The following PRELID2 variants were observed in gnomAD, a reference collection of about 807,000 sequenced individuals.
The protein encoded by PRELID2 is PRELI domain containing 2.
Under a neutral mutation model 28.4 loss-of-function variants are expected in PRELID2, and 25 were observed. That is an observed-to-expected ratio of 0.88 (90% CI 0.64 to 1.23). The LOEUF (loss-of-function observed/expected upper bound fraction) is 1.23, where lower values mean the gene tolerates loss of function less well. Ranked by LOEUF, PRELID2 falls within the 50% of genes most tolerant of loss-of-function variation. The probability of loss-of-function intolerance (pLI) is 0.00; values close to 1 mark genes in which losing one functional copy is unlikely to be tolerated. For synonymous variants in PRELID2, 76 were observed against 71.6 expected (o/e 1.06, Z -0.31); for missense variants, 201 against 214.4 (o/e 0.94, Z 0.39).
chr5:145,424,669 A>T, the PRELID2 span, among the ~76,000 whole-genome samples: 4 of 152,114 alleles, frequency 2.6e-5, no homozygotes, highest in African/African-American at 9.7e-5. Context: ...GGAAATGCAG[A>T]AATCACCCGT....
the PRELID2 span, among the ~76,000 whole-genome samples, chr5:145,406,449 A>G: frequency 1.3e-5 from 2 of 152,242 alleles, no homozygotes; most frequent in African/African-American, 4.8e-5. Flanking sequence ...TACATCTCAA[A>G]GGGCAGAGAA....
chr5:145,641,295 GA>G lies in PRELID2; in HGVS notation n.70+123635del, dbSNP rs1046301506. Among the ~76,000 whole-genome samples the G allele has an allele frequency of 2.6e-3, 392 of 149,080 alleles. 2 individuals carry two copies. The highest frequency in any genetic ancestry group is 9.3e-3 in the African/African-American group (379 of 40,662). ...ATCCAAAACTACTATAAATCAATCA[GA>G]AAAAAAAAGAGAGAAATAGGTAAAA... On this transcript the variant is annotated intron_variant and non_coding_transcript_variant, in intron 1 of 2. Coordinates refer to the PRELID2 transcript ENST00000510259.
chr5:145,330,567 G>A, the PRELID2 span, among the ~76,000 whole-genome samples: 2 of 152,166 alleles, frequency 1.3e-5, no homozygotes, highest in Non-Finnish European at 2.9e-5. Context: ...GCATAGAGAT[G>A]TTTACAATAT....
chr5:145,402,593 A>G, the PRELID2 span, among the ~76,000 whole-genome samples: 2 of 152,152 alleles, frequency 1.3e-5, no homozygotes, highest in Non-Finnish European at 2.9e-5. Flanking sequence ...TGGGTGTGTG[A>G]CCTTGAAAAA....
chr5:145,497,489 C>A (rs759913692), intron 1 of PRELID2, among the ~76,000 whole-genome samples: 4 of 152,074 alleles, frequency 2.6e-5, no homozygotes, highest in African/African-American at 7.2e-5. Flanking sequence ...GAAATTTCTA[C>A]TAAGATATTA....
chr5:145,588,035 G>A (rs1753177626), intron 1 of PRELID2, among the ~76,000 whole-genome samples: 1 of 152,112 alleles, frequency 6.6e-6, no homozygotes, highest in Admixed American at 6.6e-5. Flanking sequence ...GCCTCATGCT[G>A]CCAGATGAAG....
intron 1 of PRELID2, among the ~76,000 whole-genome samples, chr5:145,711,789 G>A (rs1755703142): frequency 1.3e-5 from 2 of 151,858 alleles, no homozygotes. Flanking sequence ...GGCACTCTGG[G>A]CTTCACTGAG....
chr5:145,564,772 A>AC (rs1290684992), intron 1 of PRELID2, among the ~76,000 whole-genome samples: 1 of 151,088 alleles, frequency 6.6e-6, no homozygotes, highest in Non-Finnish European at 1.5e-5. Flanking sequence ...ATAAAAGATA[A>AC]CCCCCCTTTC....
At chr5:145,352,417 C>G in the PRELID2 span, among the ~76,000 whole-genome samples, 23 of 152,262 alleles carry the variant, frequency 1.5e-4, no homozygotes, top group South Asian at 2.1e-3. Flanking sequence ...GTACATTGGC[C>G]CTTTTTATCC....
At chr5:145,429,331 C>T in the PRELID2 span, among the ~76,000 whole-genome samples, 5 of 152,180 alleles carry the variant, frequency 3.3e-5, no homozygotes, top group Non-Finnish European at 7.4e-5. Flanking sequence ...GAGAAAGAAA[C>T]GAGGCCAAGA....
intron 1 of PRELID2, among the ~76,000 whole-genome samples, chr5:145,609,471 T>C (rs997768162): frequency 1.3e-5 from 2 of 152,262 alleles, no homozygotes; most frequent in African/African-American, 4.8e-5. Flanking sequence ...TCCACAGGTC[T>C]CCCTTAAGCA....
chr5:145,255,643 T>A, the PRELID2 span, among the ~76,000 whole-genome samples: 1 of 151,476 alleles, frequency 6.6e-6, no homozygotes, highest in Admixed American at 6.6e-5. Flanking sequence ...TGGCAAGGCA[T>A]GGTGGTGTGT....
At chr5:145,399,848 T>C in the PRELID2 span, among the ~76,000 whole-genome samples, 13 of 152,042 alleles carry the variant, frequency 8.6e-5, no homozygotes, top group South Asian at 2.1e-4. Context: ...GAGAGAGAGA[T>C]TGTTCAGGGA....
At position 145,607,408 on chromosome 5, in the gene PRELID2, T is replaced by G. The variant is rs998506472; in HGVS notation, n.71-134093A>C. The stretch of plus-strand genomic sequence containing the variant: ...AGTGCCATAAATTTGCTCTTACCAC[T>G]GCTTTAGCTGTGTCCCAGAGATTCT... On this transcript the variant is annotated intron_variant and non_coding_transcript_variant, in intron 1 of 2. Transcript: ENST00000510259. Among the ~76,000 whole-genome samples the G allele has an allele frequency of 5.9e-5, 9 of 152,186 alleles. No individual in the cohort carries two copies. In the South Asian group the frequency reaches 1.2e-3, roughly 21 times the overall value.
intron 1 of PRELID2, among the ~76,000 whole-genome samples, chr5:145,633,269 A>C (rs977757194): frequency 6.6e-6 from 1 of 152,196 alleles, no homozygotes; most frequent in Non-Finnish European, 1.5e-5. Context: ...TAAATCCATA[A>C]TAATTTGTTA....
chr5:145,376,828 T>G, the PRELID2 span, among the ~76,000 whole-genome samples: 2 of 152,032 alleles, frequency 1.3e-5, no homozygotes, highest in African/African-American at 4.8e-5. Context: ...TAATTTTTTT[T>G]GAAAGACAGG....
chr5:145,627,219 A>T (rs190383733), intron 1 of PRELID2, among the ~76,000 whole-genome samples: 5 of 151,796 alleles, frequency 3.3e-5, no homozygotes, highest in Non-Finnish European at 7.4e-5. Context: ...CAACAACATG[A>T]ATGCAACTGG....
At chr5:145,822,977 TA>T (rs149496229) in intron 2 of PRELID2, 99 bp downstream of exon 2, 7 of 601,378 alleles carry the variant, frequency 1.2e-5, no homozygotes, top group South Asian at 2.6e-5. Flanking sequence ...AACAATTTTT[TA>T]AAAAAAACCT....
intron 1 of PRELID2, among the ~76,000 whole-genome samples, chr5:145,600,415 G>A (rs1753374609): frequency 9.2e-6 from 1 of 108,474 alleles, no homozygotes; most frequent in Non-Finnish European, 1.8e-5. Flanking sequence ...CTTCTCTCAG[G>A]GGGGGAAAAA....
Sources: gnomAD v4.1 joint callset for allele counts (sites outside exome capture counted in the v4.1 genomes callset) on GRCh38, gnomAD v4.1.1 for gene constraint, MANE v1.5 for transcripts, NCBI Gene and HGNC (gene_info 2026-07-23, HGNC 2026-07-21) for gene names.